Variants in TTC13 observed in about 807,000 individuals in gnomAD.
The protein encoded by TTC13 is tetratricopeptide repeat protein 13.
In TTC13, 62 loss-of-function variants were observed where a neutral mutation model predicts 120.0. The observed-to-expected ratio is 0.52, with a 90% CI of 0.42 to 0.64. The LOEUF (loss-of-function observed/expected upper bound fraction) is 0.64. Ranked by LOEUF, TTC13 falls within the 30% of genes least tolerant of loss-of-function variation. TTC13 has a pLI of 0.00. For missense variants in TTC13, 824 were observed against 1,050.2 expected (o/e 0.78, Z 2.98); for synonymous variants, 384 against 393.5 (o/e 0.98, Z 0.28).
intron 17 of TTC13, among the ~76,000 whole-genome samples, chr1:230,919,580 C>T (rs1237462530): frequency 1.3e-5 from 2 of 152,146 alleles, no homozygotes; most frequent in South Asian, 2.1e-4. Context: ...GTTATTTTGC[C>T]TTTCTTTAAA....
intron 11 of TTC13, 50 bp from the exon 12 acceptor site, chr1:230,929,143 T>G: frequency 6.4e-7 from 1 of 1,559,184 alleles, no homozygotes; most frequent in South Asian, 1.2e-5. Flanking sequence ...CTAAAGAAAC[T>G]TTCTTATGGC....
chr1:230,910,106 C>T (rs1013623035), intron 20 of TTC13, among the ~76,000 whole-genome samples: 4 of 152,274 alleles, frequency 2.6e-5, no homozygotes, highest in African/African-American at 4.8e-5. Context: ...AAGGATGGCA[C>T]GAGCACCTGA....
At chr1:230,924,389 G>T (rs913372349) in intron 14 of TTC13, among the ~76,000 whole-genome samples, 5 of 152,202 alleles carry the variant, frequency 3.3e-5, no homozygotes, top group African/African-American at 1.2e-4. Flanking sequence ...CTGGAGTGCA[G>T]TGGCGCGATC....
In TTC13 at chr1:230,906,869, G is replaced by T; in HGVS notation, c.*36C>A. 1.9e-6 allele frequency: 2 copies of T among 1,049,228 alleles called. No individual in the cohort carries two copies. Among genetic ancestry groups the T allele is most frequent in the Non-Finnish European group, 2.7e-6 (2 of 750,872 alleles). 65.0% of individuals were successfully genotyped at this position (1,049,228 alleles called of 1,614,324 possible). A position where few individuals can be genotyped will look rare whatever the true frequency, so the allele number is the denominator to read the frequency against. ...TAAAAAATAACTTAAGAAGCAAGAG[G>T]TCCGGCCCTTTACTTGTATAAATAC... is the stretch of plus-strand genomic sequence containing the variant. On this transcript the variant is annotated 3_prime_UTR_variant, in exon 23 of 23. Coordinates refer to ENST00000366661, the MANE Select transcript of TTC13 (RefSeq NM_024525.5).
intron 1 of TTC13, among the ~76,000 whole-genome samples, chr1:230,965,780 G>A (rs1347077947): frequency 6.6e-6 from 1 of 152,090 alleles, no homozygotes; most frequent in African/African-American, 2.4e-5. Context: ...CTAGTAGCTG[G>A]GAACACAGGC....
intron 4 of TTC13, among the ~76,000 whole-genome samples, chr1:230,947,515 T>C (rs560920421): frequency 6.6e-6 from 1 of 152,110 alleles, no homozygotes; most frequent in Admixed American, 6.5e-5. Flanking sequence ...AAGAATTGTC[T>C]TAGGCCACAC....
chr1:230,971,256 G>T (rs1166819914), intron 1 of TTC13, among the ~76,000 whole-genome samples: 2 of 144,750 alleles, frequency 1.4e-5, no homozygotes, highest in Non-Finnish European at 1.5e-5. Flanking sequence ...TGAGGCAGGA[G>T]AATGGCATGG....
At chr1:230,975,607 T>C (rs146195836) in intron 1 of TTC13, among the ~76,000 whole-genome samples, 1 of 152,314 alleles carries the variant, frequency 6.6e-6, no homozygotes, top group Non-Finnish European at 1.5e-5. Flanking sequence ...TAATATTTTT[T>C]CTCTACAAGT....
At position 230,978,603 on chromosome 1, in the gene TTC13, CG is replaced by C; in HGVS notation, c.227del (p.Pro76ArgfsTer20). On this transcript the variant is annotated frameshift_variant, in exon 1 of 23. Coordinates refer to ENST00000366661, the MANE Select transcript of TTC13 (RefSeq NM_024525.5). LOFTEE classifies it high-confidence loss of function. This position sits in a 1 kb window ranked among gnomAD's most constrained non-coding sequence, Gnocchi z 5.6. The part of the protein sequence containing the change: ...EAPAGGGGCS[P>X]QSGDWGDQYS... ...ACTGGTCCCCCCAGTCCCCGGACTG[CG>C]GGCTGCAGCCGCCGCCGCCCGCCGG... The C allele has an allele frequency of 7.1e-7, 1 of 1,412,518 alleles. No individual in the cohort carries two copies. The highest frequency in any genetic ancestry group is 9.4e-7 in the Non-Finnish European group (1 of 1,068,838). The allele number at this position is 1,412,518 out of a possible 1,614,324, so 87.5% of individuals were successfully genotyped here.
chr1:230,954,092 A>G (rs769645937), intron 4 of TTC13, among the ~76,000 whole-genome samples: 1 of 152,118 alleles, frequency 6.6e-6, no homozygotes, highest in Non-Finnish European at 1.5e-5. Flanking sequence ...AAATTGCTTG[A>G]CCTGATTAGA....
chr1:230,953,681 T>C (rs1558208896), intron 4 of TTC13, among the ~76,000 whole-genome samples: 1 of 152,174 alleles, frequency 6.6e-6, no homozygotes, highest in Admixed American at 6.5e-5. Flanking sequence ...AATCAATAAA[T>C]GGTTAGGCAC....
intron 3 of TTC13, among the ~76,000 whole-genome samples, chr1:230,955,498 C>G (rs1300484689): frequency 1.7e-4 from 24 of 137,966 alleles, no homozygotes. Flanking sequence ...CCCGTCTCTA[C>G]TAAATATACA....
At chr1:230,949,885 G>A (rs533313468) in intron 4 of TTC13, among the ~76,000 whole-genome samples, 99 of 152,162 alleles carry the variant, frequency 6.5e-4, no homozygotes, top group African/African-American at 2.2e-3. Context: ...TCCTGACCTC[G>A]TGATCCGCCC....
chr1:230,907,198 G>A (rs1399944872), intron 22 of TTC13, among the ~76,000 whole-genome samples, 179 bp from the exon 23 acceptor site: 8 of 152,208 alleles, frequency 5.3e-5, no homozygotes, highest in Non-Finnish European at 7.3e-5. Flanking sequence ...AACGGCCTGC[G>A]GCATCAGCCA....
intron 13 of TTC13, 85 bp downstream of exon 13, chr1:230,925,432 T>C: frequency 7.1e-7 from 1 of 1,408,944 alleles, no homozygotes; most frequent in Middle Eastern, 1.8e-4. Context: ...CAATAAATAC[T>C]AATTTATTAA....
chr1:230,955,000 A>G (rs778119731), intron 3 of TTC13, among the ~76,000 whole-genome samples: 1 of 152,210 alleles, frequency 6.6e-6, no homozygotes, highest in Non-Finnish European at 1.5e-5. Context: ...AATATACACT[A>G]AAGATGAACC....
At chr1:230,964,124 A>G (rs1466344753) in intron 1 of TTC13, among the ~76,000 whole-genome samples, 1 of 152,214 alleles carries the variant, frequency 6.6e-6, no homozygotes, top group African/African-American at 2.4e-5. Flanking sequence ...AATCCATTTC[A>G]GTTTCAATAA....
intron 8 of TTC13, among the ~76,000 whole-genome samples, chr1:230,934,860 A>G (rs890956285): frequency 6.6e-6 from 1 of 152,246 alleles, no homozygotes; most frequent in African/African-American, 2.4e-5. Context: ...TACCTTGTAC[A>G]TGGTAGGCAC....
chr1:230,969,649 G>T (rs1433974994), intron 1 of TTC13, among the ~76,000 whole-genome samples: 1 of 152,136 alleles, frequency 6.6e-6, no homozygotes, highest in Non-Finnish European at 1.5e-5. Context: ...ATGTAACAGT[G>T]GCTCAGGGCA....
Sources: gnomAD v4.1 joint callset for allele counts (sites outside exome capture counted in the v4.1 genomes callset) on GRCh38, gnomAD v4.1.1 for gene constraint, Gnocchi (gnomAD v3.1) non-coding constraint, MANE v1.5 for transcripts, NCBI Gene and HGNC (gene_info 2026-07-23, HGNC 2026-07-21) for gene names.